Variants in COMMD1 observed in about 807,000 individuals in gnomAD.
COMMD1 encodes COMM domain-containing protein 1.
In COMMD1, 10 loss-of-function variants were observed where a neutral mutation model predicts 17.2. That is an observed-to-expected ratio of 0.58 (90% CI 0.36 to 0.99). COMMD1 has a LOEUF of 0.99. Among genes scored for constraint, COMMD1 ranks in the 50% least tolerant of loss-of-function variants. The probability of loss-of-function intolerance (pLI) is 0.01; values close to 1 mark genes in which losing one functional copy is unlikely to be tolerated. For missense variants in COMMD1, 270 were observed against 231.8 expected (o/e 1.17, Z -1.07); for synonymous variants, 97 against 91.6 (o/e 1.06, Z -0.34).
At chr2:62,040,666 G>A (rs1670163658) in intron 2 of COMMD1, among the ~76,000 whole-genome samples, 2 of 151,942 alleles carry the variant, frequency 1.3e-5, no homozygotes, top group Non-Finnish European at 1.5e-5. Flanking sequence ...TTACTTTTTG[G>A]TTGTGTCATA....
rs58439136 is a variant in COMMD1 at position 61,954,163 on chromosome 2, T to A, written c.181-46538T>A. ...GGCAGAGGTTGCAATGAGCCGAGAT[T>A]GCGCCACTGTACTCCACCCTGGGCG... On this transcript the variant is annotated intron_variant, in intron 1 of 2. Coordinates refer to ENST00000311832, the MANE Select transcript of COMMD1 (RefSeq NM_152516.4). Among the ~76,000 whole-genome samples, 3 of 151,984 alleles carry A rather than the reference T, an allele frequency of 2.0e-5. No homozygotes were observed. In the South Asian group the frequency reaches 6.2e-4, roughly 32 times the overall value.
chr2:62,062,226 G>GTT (rs577579260), intron 2 of COMMD1, among the ~76,000 whole-genome samples: 1 of 146,562 alleles, frequency 6.8e-6, no homozygotes, highest in African/African-American at 2.6e-5. Context: ...GTTTTTTTTT[G>GTT]TTTTTTTGTT....
chr2:61,973,808 T>G (rs370606304), intron 1 of COMMD1, among the ~76,000 whole-genome samples: 1 of 152,240 alleles, frequency 6.6e-6, no homozygotes, highest in South Asian at 2.1e-4. Flanking sequence ...CATTTGTATA[T>G]GATAGTACTT....
chr2:62,111,150 T>G (rs1335393513), intron 2 of COMMD1, among the ~76,000 whole-genome samples: 3 of 152,194 alleles, frequency 2.0e-5, no homozygotes, highest in African/African-American at 7.2e-5. Flanking sequence ...ACTTACAAGT[T>G]TCTCACAATA....
At position 61,916,513 on chromosome 2, in the gene COMMD1, T is replaced by G. The variant is rs550935761; in HGVS notation, c.180+10655T>G. Among the ~76,000 whole-genome samples the G allele has an allele frequency of 4.6e-5, 7 of 152,238 alleles. No homozygotes were observed. The South Asian group carries it at 8.3e-4, about 18-fold the overall frequency. ...CATAGCTCACTGCAGCCTTGACTTC[T>G]GGGGCTCAAGCGATCTTCCTACTTC... On this transcript the variant is annotated intron_variant, in intron 1 of 2. Transcript: ENST00000311832.
chr2:61,943,524 C>G (rs924358785), intron 1 of COMMD1, among the ~76,000 whole-genome samples: 2 of 152,104 alleles, frequency 1.3e-5, no homozygotes, highest in Non-Finnish European at 1.5e-5. Flanking sequence ...AGGTCCAGCA[C>G]CATGAGGAGG....
intron 2 of COMMD1, among the ~76,000 whole-genome samples, chr2:62,056,251 T>A (rs1670697550): frequency 6.6e-6 from 1 of 152,152 alleles, no homozygotes; most frequent in Admixed American, 6.5e-5. Context: ...AAAATTAGCA[T>A]CCACATTTAA....
At chr2:61,995,522 T>TCAAA (rs1668732698) in intron 1 of COMMD1, among the ~76,000 whole-genome samples, 3 of 152,238 alleles carry the variant, frequency 2.0e-5, no homozygotes, top group Non-Finnish European at 2.9e-5. Context: ...CATTGTTTGA[T>TCAAA]GTCTCAGGAT....
intron 2 of COMMD1, among the ~76,000 whole-genome samples, chr2:62,046,284 A>G (rs1165431201): frequency 2.0e-5 from 3 of 152,246 alleles, no homozygotes; most frequent in Non-Finnish European, 4.4e-5. Flanking sequence ...TCTATGCTAT[A>G]AAGGTACAGA....
intron 1 of COMMD1, among the ~76,000 whole-genome samples, chr2:61,998,246 CTTTT>C (rs71410912): frequency 2.4e-5 from 3 of 126,480 alleles, no homozygotes; most frequent in African/African-American, 2.9e-5. Context: ...GTTGTGCTTT[CTTTT>C]TTTTTTTTTT....
At chr2:61,901,957 C>T (rs1669665406), upstream of COMMD1, among the ~76,000 whole-genome samples, 1 of 151,944 alleles carries the variant, frequency 6.6e-6, no homozygotes, top group African/African-American at 2.4e-5. Flanking sequence ...CCTCAGCCTC[C>T]CAAGTAGCTG....
intron 2 of COMMD1, among the ~76,000 whole-genome samples, chr2:62,078,932 C>T (rs1023398005): frequency 6.6e-6 from 1 of 151,296 alleles, no homozygotes; most frequent in African/African-American, 2.4e-5. Context: ...GCAGAGGAAG[C>T]CTTCAGGTGG....
At chr2:62,008,320 A>G (rs771089047) in intron 2 of COMMD1, among the ~76,000 whole-genome samples, 3 of 152,192 alleles carry the variant, frequency 2.0e-5, no homozygotes, top group African/African-American at 7.2e-5. Flanking sequence ...TTGCGTGCAC[A>G]TGCACACAGA....
intron 2 of COMMD1, among the ~76,000 whole-genome samples, chr2:62,092,308 A>T (rs569733034): frequency 6.6e-6 from 1 of 152,292 alleles, no homozygotes; most frequent in South Asian, 2.1e-4. Flanking sequence ...GAAAGTAAGA[A>T]TGGGAGTTAT....
intron 1 of COMMD1, among the ~76,000 whole-genome samples, chr2:61,893,168 C>T (rs1558512542): frequency 6.6e-6 from 1 of 151,840 alleles, no homozygotes; most frequent in Non-Finnish European, 1.5e-5. Flanking sequence ...TGCCTGGCCT[C>T]ATTCTATGTT....
chr2:61,954,265 A>G (rs191124272), intron 1 of COMMD1, among the ~76,000 whole-genome samples: 41 of 152,294 alleles, frequency 2.7e-4, no homozygotes, highest in Non-Finnish European at 1.5e-5. Context: ...AGGAGACTCC[A>G]GAGAAATGGA....
At chr2:61,969,689 C>T (rs143205768) in intron 1 of COMMD1, among the ~76,000 whole-genome samples, 1 of 152,228 alleles carries the variant, frequency 6.6e-6, no homozygotes, top group East Asian at 1.9e-4. Context: ...TTCCAGTTCA[C>T]TTACTTGATG....
At chr2:62,059,671 G>A (rs1439885148) in intron 2 of COMMD1, among the ~76,000 whole-genome samples, 3 of 152,158 alleles carry the variant, frequency 2.0e-5, no homozygotes, top group African/African-American at 7.2e-5. Flanking sequence ...GGGCTCAAGA[G>A]AGCTTCCTGC....
intron 2 of COMMD1, among the ~76,000 whole-genome samples, chr2:62,014,648 A>C (rs895396201): frequency 3.2e-5 from 4 of 125,370 alleles, no homozygotes; most frequent in Middle Eastern, 5.5e-3. Context: ...TGCAACCTCT[A>C]CCTCCTGGGT....
Sources: allele counts gnomAD v4.1 joint callset (sites outside exome capture counted in the v4.1 genomes callset), GRCh38; gene constraint gnomAD v4.1.1; transcripts MANE v1.5; gene names NCBI Gene and HGNC (gene_info 2026-07-23, HGNC 2026-07-21).